PLEKHG1: variants seen among roughly 807,000 people sequenced by gnomAD.
PLEKHG1 encodes pleckstrin homology domain-containing family G member 1.
A neutral mutation model predicts 100.8 loss-of-function variants in PLEKHG1; 44 were observed. The ratio of observed to expected loss-of-function variants is 0.44; its 90% confidence interval spans 0.34 to 0.56. The LOEUF (loss-of-function observed/expected upper bound fraction) is 0.56. Ranked by LOEUF, PLEKHG1 falls within the 20% of genes least tolerant of loss-of-function variation. The pLI is 0.01. For missense variants in PLEKHG1, 1,545 were observed against 1,720.9 expected (o/e 0.90, Z 1.81); for synonymous variants, 640 against 662.5 (o/e 0.97, Z 0.52).
At chr6:150,750,705 C>G (rs1393948107) in intron 2 of PLEKHG1, among the ~76,000 whole-genome samples, 1 of 131,604 alleles carries the variant, frequency 7.6e-6, no homozygotes, top group South Asian at 2.5e-4. Context: ...GGCGTGAACC[C>G]GGGAGGCGGA....
At chr6:150,750,671 C>G in intron 2 of PLEKHG1, among the ~76,000 whole-genome samples, 1 of 144,740 alleles carries the variant, frequency 6.9e-6, no homozygotes, top group South Asian at 2.2e-4. Context: ...GTCCCAGCTA[C>G]TCGGGAGGCT....
chr6:150,831,392 A>G lies in PLEKHG1; in HGVS notation c.2281A>G (p.Lys761Glu), dbSNP rs1329587154. The G allele has an allele frequency of 6.2e-7, 1 of 1,613,994 alleles. No individual in the cohort carries two copies. The highest frequency in any genetic ancestry group is 1.3e-5 in the African/African-American group (1 of 74,928). Residue 761 changes from lysine (K) to glutamate (E), a missense_variant, in exon 15 of 16, where the codon AAG becomes GAG. Lys to Glu is a moderately conservative substitution (Grantham distance 56). Transcript: ENST00000358517. This position sits in a 1 kb window ranked among gnomAD's most constrained non-coding sequence, Gnocchi z 4.1. ...GCTGGGTTTTAAGTGCAGCAGCCTA[A>G]AGCGTGCAAAGCGGAGCACCTTTTT...
chr6:150,823,817 T>C (rs1309911364), intron 14 of PLEKHG1, 141 bp downstream of exon 15: 1 of 642,306 alleles, frequency 1.6e-6, no homozygotes, highest in African/African-American at 1.8e-5. Context: ...GTATTTTACA[T>C]TTTGAATTAT....
chr6:150,813,030 G>A (rs1270836503), intron 10 of PLEKHG1, among the ~76,000 whole-genome samples: 1 of 152,140 alleles, frequency 6.6e-6, no homozygotes, highest in East Asian at 1.9e-4. Flanking sequence ...TGCTGGCCGG[G>A]CGCGGTGGCT....
intron 2 of PLEKHG1, among the ~76,000 whole-genome samples, chr6:150,638,339 C>G (rs1379339225): frequency 1.3e-5 from 2 of 152,106 alleles, no homozygotes; most frequent in Non-Finnish European, 2.9e-5. Context: ...AATGTGTTTC[C>G]TTCCATCTCC....
chr6:150,824,920 A>G (rs1776510224), intron 14 of PLEKHG1, among the ~76,000 whole-genome samples: 1 of 152,040 alleles, frequency 6.6e-6, no homozygotes, highest in Non-Finnish European at 1.5e-5. Flanking sequence ...AAACGTGTGA[A>G]ACTTATTAAT....
intron 1 of PLEKHG1, among the ~76,000 whole-genome samples, chr6:150,611,073 A>T (rs996979236): frequency 6.6e-6 from 1 of 152,262 alleles, no homozygotes; most frequent in African/African-American, 2.4e-5. Flanking sequence ...CATATAGATC[A>T]TGCCATACTC....
chr6:150,637,603 C>T (rs1778060603), intron 1 of PLEKHG1, among the ~76,000 whole-genome samples: 1 of 152,090 alleles, frequency 6.6e-6, no homozygotes, highest in South Asian at 2.1e-4. Flanking sequence ...GAAGGCATTG[C>T]ACCTCTGATA....
chr6:150,651,941 C>A (rs1051240637), intron 3 of PLEKHG1: 2 of 152,018 alleles, frequency 1.3e-5, no homozygotes, highest in African/African-American at 4.8e-5. Context: ...AAAGAAAATG[C>A]GTACTGCAGA....
intron 15 of PLEKHG1, among the ~76,000 whole-genome samples, chr6:150,834,183 T>C (rs1777105570): frequency 6.6e-6 from 1 of 152,196 alleles, no homozygotes. Context: ...GAGACTAGAA[T>C]GCATGTATTT....
At chr6:150,706,341 C>T (rs560671563) in intron 3 of PLEKHG1, among the ~76,000 whole-genome samples, 11 of 151,810 alleles carry the variant, frequency 7.2e-5, no homozygotes, top group African/African-American at 1.7e-4. Context: ...AGGCATGGTG[C>T]GGTGGCTTAT....
At chr6:150,822,640 G>A (rs547640441) in intron 13 of PLEKHG1, among the ~76,000 whole-genome samples, 6 of 152,316 alleles carry the variant, frequency 3.9e-5, no homozygotes, top group East Asian at 3.9e-4. Context: ...GAGTGTCCAC[G>A]TATATTTAGC....
At chr6:150,618,322 A>G (rs954310408) in intron 1 of PLEKHG1, among the ~76,000 whole-genome samples, 24 of 152,310 alleles carry the variant, frequency 1.6e-4, no homozygotes, top group Admixed American at 1.2e-3. Context: ...CTGGATGAAT[A>G]TTTTGGCTTT....
chr6:150,695,351 G>A (rs1253804764), intron 3 of PLEKHG1, among the ~76,000 whole-genome samples: 2 of 152,174 alleles, frequency 1.3e-5, no homozygotes, highest in African/African-American at 4.8e-5. Context: ...TAGGTAGTGA[G>A]CTGCTTAATT....
chr6:150,602,802 T>C (rs1180022097), intron 1 of PLEKHG1, among the ~76,000 whole-genome samples: 2 of 152,166 alleles, frequency 1.3e-5, no homozygotes, highest in Non-Finnish European at 1.5e-5. Flanking sequence ...CTGCACTGCC[T>C]AAGAAATGTT....
intron 1 of PLEKHG1, among the ~76,000 whole-genome samples, chr6:150,635,814 AG>A (rs1343476188): frequency 6.6e-6 from 1 of 152,206 alleles, no homozygotes; most frequent in Non-Finnish European, 1.5e-5. Flanking sequence ...GAAACCTGAT[AG>A]AATTGCAGTG....
At chr6:150,613,442 G>C (rs1383854919) in intron 1 of PLEKHG1, among the ~76,000 whole-genome samples, 1 of 152,224 alleles carries the variant, frequency 6.6e-6, no homozygotes, top group Non-Finnish European at 1.5e-5. Context: ...CCAGTGCAGA[G>C]AAATGCTGAA....
At chr6:150,819,313 C>G (rs1241812796) in intron 11 of PLEKHG1, among the ~76,000 whole-genome samples, 2 of 151,912 alleles carry the variant, frequency 1.3e-5, no homozygotes, top group East Asian at 3.9e-4. Context: ...ACCTGTAATC[C>G]CAGCACTTTG....
chr6:150,742,889 G>A (rs1015356366), intron 2 of PLEKHG1, among the ~76,000 whole-genome samples: 3 of 152,180 alleles, frequency 2.0e-5, no homozygotes, highest in Non-Finnish European at 2.9e-5. Flanking sequence ...GACCCAGGCT[G>A]AGGAGGCCTT....
Sources: allele counts gnomAD v4.1 joint callset (sites outside exome capture counted in the v4.1 genomes callset), GRCh38; gene constraint gnomAD v4.1.1; non-coding constraint Gnocchi (gnomAD v3.1); transcripts MANE v1.5; gene names NCBI Gene and HGNC (gene_info 2026-07-23, HGNC 2026-07-21).